The following ODR4 variants were observed in gnomAD, a reference collection of about 807,000 sequenced individuals.
ODR4 encodes odr-4 GPCR localization factor homolog, also known as protein odr-4 homolog.
A neutral mutation model predicts 60.2 loss-of-function variants in ODR4; 47 were observed. The ratio of observed to expected loss-of-function variants is 0.78; its 90% CI spans 0.62 to 1.00. The LOEUF is 1.00. Among genes scored for constraint, ODR4 ranks in the 50% least tolerant of loss-of-function variants. The pLI is 0.00. For synonymous variants in ODR4, 178 were observed against 175.5 expected (o/e 1.01, Z -0.11); for missense variants, 488 against 530.8 (o/e 0.92, Z 0.79).
Position 186,399,085 on chromosome 1 carries a change from T to C in ODR4, c.1000+41T>C, listed in dbSNP as rs781149572. The C allele has an allele frequency of 7.4e-6, 9 of 1,223,654 alleles. No individual in the cohort carries two copies. In the South Asian group the frequency reaches 1.2e-4, roughly 16 times the overall value. 75.8% of individuals were successfully genotyped at this position (1,223,654 alleles called of 1,614,324 possible). On this transcript the variant is annotated intron_variant, in intron 11 of 13. Coordinates refer to ENST00000287859, the MANE Select transcript of ODR4 (RefSeq NM_017847.6). The stretch of plus-strand genomic sequence containing the variant: ...AAGTACTTTTTTGCGTATCTTCAAC[T>C]GATATAGTAATAAGATATCAAGATA...
chr1:186,425,927 T>C (rs553919340), downstream of ODR4, among the ~76,000 whole-genome samples: 99 of 152,342 alleles, frequency 6.5e-4, no homozygotes, highest in Admixed American at 1.8e-3. Flanking sequence ...CTTAGTTTAT[T>C]TCTCTCTTCT....
intron 1 of ODR4, among the ~76,000 whole-genome samples, chr1:186,377,467 A>G (rs1277373572): frequency 6.6e-6 from 1 of 152,236 alleles, no homozygotes; most frequent in Non-Finnish European, 1.5e-5. Flanking sequence ...ACACATTAAT[A>G]TGGCTACTAG....
intron 11 of ODR4, among the ~76,000 whole-genome samples, chr1:186,403,587 T>C (rs922216171): frequency 2.6e-5 from 4 of 152,090 alleles, no homozygotes; most frequent in Non-Finnish European, 5.9e-5. Flanking sequence ...ATAATAACTT[T>C]ATATATCTGA....
chr1:186,377,277 A>G (rs1010426608), intron 1 of ODR4, among the ~76,000 whole-genome samples: 1 of 152,238 alleles, frequency 6.6e-6, no homozygotes, highest in African/African-American at 2.4e-5. Flanking sequence ...GGTTGAATAC[A>G]TGGAAGTGGA....
chr1:186,403,202 G>C (rs1231289826), intron 11 of ODR4, among the ~76,000 whole-genome samples: 1 of 152,016 alleles, frequency 6.6e-6, no homozygotes, highest in Non-Finnish European at 1.5e-5. Context: ...AGAATACATT[G>C]TAAGTGTGAT....
rs1660931474 is a variant in ODR4 at position 186,401,202 on chromosome 1, A to T, written c.1000+2158A>T. The T allele has an allele frequency of 2.6e-6, 4 of 1,562,204 alleles. No individual in the cohort carries two copies. In the Admixed American group the frequency reaches 6.9e-5, roughly 27 times the overall value. ...TTGAAATTTTTGCTGATGTTCAATT[A>T]GTAAAATTAATGGCCCCTAACAGCA... On this transcript the variant is annotated intron_variant, in intron 11 of 13. Transcript: ENST00000287859.
In ODR4 at chr1:186,383,059, G is replaced by A; in HGVS notation, c.137G>A (p.Arg46Lys). ...SQKDYVILAT[R>K]TPPKEEQSEN... ...AAGGATTATGTGATTCTTGCCACTA[G>A]AACGCCACCCAAAGAGGAGCAAAGT... The change falls in exon 3 of 14, where the codon AGA becomes AAA. Residue 46 changes from arginine to lysine, a missense_variant. Arg to Lys is a conservative substitution (Grantham distance 26, BLOSUM62 2). Coordinates refer to ENST00000287859, the MANE Select transcript of ODR4 (RefSeq NM_017847.6). 1 of 1,582,176 alleles carries A rather than the reference G, an allele frequency of 6.3e-7. No homozygotes were observed. Among genetic ancestry groups the A allele is most frequent in the Non-Finnish European group, 8.6e-7 (1 of 1,163,004 alleles).
the ODR4 span, among the ~76,000 whole-genome samples, chr1:186,430,029 TGTTTCA>T: frequency 6.6e-6 from 1 of 152,116 alleles, no homozygotes; most frequent in East Asian, 1.9e-4. Flanking sequence ...ATTTTGAAAG[TGTTTCA>T]GTTTCATTAT....
the ODR4 span, among the ~76,000 whole-genome samples, chr1:186,430,930 T>C: frequency 6.6e-6 from 1 of 151,856 alleles, no homozygotes; most frequent in Non-Finnish European, 1.5e-5. Context: ...AATATTACTG[T>C]GCATATACAG....
chr1:186,395,968 C>T, intron 9 of ODR4, among the ~76,000 whole-genome samples: 1 of 152,140 alleles, frequency 6.6e-6, no homozygotes, highest in Admixed American at 6.6e-5. Flanking sequence ...TTTTCTACCT[C>T]TTATTTTCTA....
At position 186,379,821 on chromosome 1, in the gene ODR4, C is replaced by T; in HGVS notation, c.36C>T (p.Gly12=). ...GRTYIVEETV[G]QYLSNINLQG... ...CCTACATTGTAGAAGAGACTGTTGG[C>T]CAGTATCTTTCAAACATAAATCTCC... The change falls in exon 2 of 14, where the codon GGC becomes GGT. Residue 12 remains glycine, a synonymous_variant. Transcript: ENST00000287859. 9 of 1,608,190 alleles carry T rather than the reference C, an allele frequency of 5.6e-6. No individual in the cohort carries two copies. Among genetic ancestry groups the T allele is most frequent in the Non-Finnish European group, 7.6e-6 (9 of 1,177,538 alleles).
intron 2 of ODR4, among the ~76,000 whole-genome samples, chr1:186,381,585 C>T (rs1306964534): frequency 6.6e-6 from 1 of 152,166 alleles, no homozygotes; most frequent in East Asian, 1.9e-4. Context: ...CCTCGGCCTC[C>T]CAAAGTGCTG....
chr1:186,393,694 A>G (rs1391204004), intron 8 of ODR4, among the ~76,000 whole-genome samples: 3 of 152,246 alleles, frequency 2.0e-5, no homozygotes, highest in Admixed American at 6.5e-5. Context: ...ATGAGTGGCA[A>G]TGTGGGTATT....
At position 186,390,856 on chromosome 1, in the gene ODR4, CA is replaced by C; in HGVS notation, c.615+6del. On this transcript the variant is annotated splice_donor_region_variant and intron_variant, in intron 7 of 13. Transcript: ENST00000287859. ...ACTCTGGAGAAAAATACAAAGGTACCAGGGTAAAATGAATTTTCTTCAGTGA... is the reference window on the plus strand; with the variant it reads ...ACTCTGGAGAAAAATACAAAGGTACCGGGTAAAATGAATTTTCTTCAGTGA... 6.2e-7 allele frequency: 1 copy of C among 1,608,418 alleles called. No homozygotes were observed. Among genetic ancestry groups the C allele is most frequent in the Non-Finnish European group, 8.5e-7 (1 of 1,176,588 alleles).
At chr1:186,392,691 G>T (rs1660513598) in intron 8 of ODR4, among the ~76,000 whole-genome samples, 4 of 150,658 alleles carry the variant, frequency 2.7e-5, no homozygotes, top group African/African-American at 9.8e-5. Context: ...GGTGGCAGGT[G>T]CCTGTAATTG....
intron 12 of ODR4, among the ~76,000 whole-genome samples, chr1:186,410,170 A>G (rs1044049161): frequency 1.3e-5 from 2 of 152,210 alleles, no homozygotes; most frequent in African/African-American, 4.8e-5. Context: ...TTGTTTTCAC[A>G]TTTATTTCAT....
intron 3 of ODR4, among the ~76,000 whole-genome samples, chr1:186,384,702 A>G (rs907042397): frequency 1.3e-5 from 2 of 152,034 alleles, no homozygotes; most frequent in Non-Finnish European, 2.9e-5. Flanking sequence ...TCTCACCTCC[A>G]TCTCCTAAAA....
chr1:186,403,565 TCTGTTA>T (rs1347636041), intron 11 of ODR4, among the ~76,000 whole-genome samples: 1 of 152,074 alleles, frequency 6.6e-6, no homozygotes, highest in African/African-American at 2.4e-5. Flanking sequence ...CATGAGGAAG[TCTGTTA>T]AGGACATAAT....
chr1:186,414,184 C>T (rs557077205), intron 12 of ODR4, among the ~76,000 whole-genome samples: 2 of 152,100 alleles, frequency 1.3e-5, no homozygotes, highest in Non-Finnish European at 2.9e-5. Context: ...TATTGAAAAA[C>T]ATTCTGCTTC....
Sources: allele counts gnomAD v4.1 joint callset (sites outside exome capture counted in the v4.1 genomes callset), GRCh38; gene constraint gnomAD v4.1.1; transcripts MANE v1.5; gene names NCBI Gene and HGNC (gene_info 2026-07-23, HGNC 2026-07-21).